Variants in GALNT17 observed in about 807,000 individuals in gnomAD.
GALNT17 encodes polypeptide N-acetylgalactosaminyltransferase 17, also known as UDP-GalNAc:polypeptide N-acetylgalactosaminyltransferase-like 3.
In GALNT17, 29 loss-of-function variants were observed where a neutral mutation model predicts 63.7. That is an observed-to-expected ratio of 0.46 (90% confidence interval 0.34 to 0.62). GALNT17 has a LOEUF of 0.62. Among genes scored for constraint, GALNT17 ranks in the 20% least tolerant of loss-of-function variants. GALNT17 has a pLI of 0.01. For missense variants in GALNT17, 603 were observed against 799.6 expected, an observed-to-expected ratio of 0.75 and a Z score of 2.97; for synonymous variants, 305 against 318.3, an observed-to-expected ratio of 0.96 and a Z score of 0.45.
chr7:71,369,884 A>G (rs1326911741), intron 2 of GALNT17, among the ~76,000 whole-genome samples: 1 of 151,622 alleles, frequency 6.6e-6, no homozygotes, highest in Non-Finnish European at 1.5e-5. Flanking sequence ...GATGGTCCAG[A>G]TGGCAGGGAG....
At chr7:71,549,258 A>G (rs1029605215) in intron 5 of GALNT17, among the ~76,000 whole-genome samples, 2 of 152,182 alleles carry the variant, frequency 1.3e-5, no homozygotes, top group Non-Finnish European at 2.9e-5. Flanking sequence ...AAAAGAAGGC[A>G]TCTACAAGAC....
At chr7:71,478,049 G>T (rs2116633261) in intron 5 of GALNT17, among the ~76,000 whole-genome samples, 1 of 152,212 alleles carries the variant, frequency 6.6e-6, no homozygotes, top group East Asian at 1.9e-4. Flanking sequence ...GAGGGTGTAG[G>T]ATTTAGGGCT....
intron 5 of GALNT17, among the ~76,000 whole-genome samples, chr7:71,481,449 C>CA (rs1219977223): frequency 2.6e-5 from 4 of 151,678 alleles, no homozygotes; most frequent in Non-Finnish European, 5.9e-5. Flanking sequence ...GACACTGTCT[C>CA]AAAAAAAAGA....
At chr7:71,326,909 CTTCT>C (rs1386808219) in intron 1 of GALNT17, among the ~76,000 whole-genome samples, 8 of 152,324 alleles carry the variant, frequency 5.3e-5, no homozygotes, top group African/African-American at 1.9e-4. Context: ...TAGAGATTCT[CTTCT>C]TTGTGACCAT....
intron 1 of GALNT17, among the ~76,000 whole-genome samples, chr7:71,308,969 CCT>C (rs1471919540): frequency 6.6e-6 from 1 of 152,044 alleles, no homozygotes; most frequent in Non-Finnish European, 1.5e-5. Flanking sequence ...GTCTCGAACT[CCT>C]GACCTCAGGT....
chr7:71,273,237 C>T (rs1790624594), intron 1 of GALNT17, among the ~76,000 whole-genome samples: 1 of 152,152 alleles, frequency 6.6e-6, no homozygotes, highest in Non-Finnish European at 1.5e-5. Flanking sequence ...CCTCATTTCC[C>T]TGATACCAGT....
chr7:71,687,505 T>C (rs1200974472), intron 9 of GALNT17, among the ~76,000 whole-genome samples: 1 of 152,156 alleles, frequency 6.6e-6, no homozygotes, highest in Non-Finnish European at 1.5e-5. Flanking sequence ...ACGCAGCCTT[T>C]GAGAACACAT....
intron 5 of GALNT17, among the ~76,000 whole-genome samples, chr7:71,514,064 A>G (rs765952213): frequency 1.3e-5 from 2 of 152,162 alleles, no homozygotes; most frequent in African/African-American, 2.4e-5. Context: ...GCATGGTGGC[A>G]TGTATCTGTA....
intron 1 of GALNT17, among the ~76,000 whole-genome samples, chr7:71,231,784 G>A (rs935466536): frequency 1.1e-4 from 16 of 151,248 alleles, no homozygotes; most frequent in East Asian, 2.0e-4. Flanking sequence ...GAGAGAGAGC[G>A]CTTTCTAGTC....
At chr7:71,343,839 G>A (rs1455562104) in intron 2 of GALNT17, among the ~76,000 whole-genome samples, 2 of 151,630 alleles carry the variant, frequency 1.3e-5, no homozygotes, top group Non-Finnish European at 2.9e-5. Context: ...ATTTGGAGGT[G>A]CTAAATATAT....
intron 2 of GALNT17, among the ~76,000 whole-genome samples, chr7:71,378,337 A>G (rs934311635): frequency 1.3e-5 from 2 of 152,116 alleles, no homozygotes; most frequent in African/African-American, 2.4e-5. Context: ...CCCCCATCTC[A>G]TTTTGCAAGG....
chr7:71,172,651 G>A (rs1788566741), intron 1 of GALNT17, among the ~76,000 whole-genome samples: 1 of 152,090 alleles, frequency 6.6e-6, no homozygotes, highest in Admixed American at 6.5e-5. Context: ...TGTGGAGTGG[G>A]AGCTACCAGG....
intron 5 of GALNT17, among the ~76,000 whole-genome samples, chr7:71,544,293 G>A (rs1324266898): frequency 2.0e-4 from 25 of 127,334 alleles, no homozygotes; most frequent in Middle Eastern, 4.0e-3. Flanking sequence ...CACCACGCCC[G>A]GCTATTTTTT....
chr7:71,291,179 A>G (rs534222593), intron 1 of GALNT17, among the ~76,000 whole-genome samples: 71 of 152,296 alleles, frequency 4.7e-4, no homozygotes, highest in Middle Eastern at 3.4e-3. Flanking sequence ...CAAATAGCCA[A>G]TTTCCCCAAC....
At chr7:71,263,185 C>A (rs887955988) in intron 1 of GALNT17, among the ~76,000 whole-genome samples, 1 of 151,782 alleles carries the variant, frequency 6.6e-6, no homozygotes, top group African/African-American at 2.4e-5. Flanking sequence ...TGGTGAAACC[C>A]TGTCTCTACT....
At chr7:71,514,745 C>G (rs1374334038) in intron 5 of GALNT17, among the ~76,000 whole-genome samples, 1 of 152,148 alleles carries the variant, frequency 6.6e-6, no homozygotes, top group African/African-American at 2.4e-5. Flanking sequence ...TTTGCAGTTG[C>G]CAAAATTACT....
At chr7:71,352,079 G>A (rs1046188130) in intron 2 of GALNT17, among the ~76,000 whole-genome samples, 7 of 152,118 alleles carry the variant, frequency 4.6e-5, no homozygotes, top group African/African-American at 1.7e-4. Flanking sequence ...TAATTCCCAT[G>A]TGTGAGAGGG....
At chr7:71,639,231 A>T (rs73371264) in intron 6 of GALNT17, among the ~76,000 whole-genome samples, 13,576 of 152,188 alleles carry the variant, frequency 0.089, 859 homozygotes, top group African/African-American at 0.18. Flanking sequence ...GTGTACCCAC[A>T]AAAATTAACA....
At chr7:71,407,349 C>CT (rs1215437297) in intron 3 of GALNT17, among the ~76,000 whole-genome samples, 2 of 152,164 alleles carry the variant, frequency 1.3e-5, no homozygotes, top group African/African-American at 4.8e-5. Context: ...CCAGACTGGG[C>CT]TTTAGGAGCA....
Sources: allele counts gnomAD v4.1 joint callset (sites outside exome capture counted in the v4.1 genomes callset), GRCh38; gene constraint gnomAD v4.1.1; transcripts MANE v1.5; gene names NCBI Gene and HGNC (gene_info 2026-07-23, HGNC 2026-07-21).